ERMP1: variants seen among roughly 807,000 people sequenced by gnomAD.
The protein encoded by ERMP1 is endoplasmic reticulum metallopeptidase 1, also known as Felix-ina.
ERMP1 carries 86 observed loss-of-function variants against 92.0 expected under a neutral mutation model. The ratio of observed to expected loss-of-function variants is 0.93; its 90% CI spans 0.79 to 1.12. The LOEUF (loss-of-function observed/expected upper bound fraction) is 1.12. ERMP1 is among the 50% of genes most tolerant of loss of function. The pLI is 0.00. For missense variants in ERMP1, 1,342 were observed against 1,116.3 expected (o/e 1.20, Z -2.88); for synonymous variants, 530 against 412.8 (o/e 1.28, Z -3.44).
At chr9:5,791,356 A>T in intron 13 of ERMP1, 1 of 454,970 alleles carries the variant, frequency 2.2e-6, no homozygotes, top group Non-Finnish European at 4.4e-6. Context: ...TCCTTGGGGA[A>T]GGTCAGTCTT....
At chr9:5,851,777 C>G (rs188037640) in intron 6 of ERMP1, among the ~76,000 whole-genome samples, 4 of 152,128 alleles carry the variant, frequency 2.6e-5, no homozygotes, top group African/African-American at 4.8e-5. Flanking sequence ...ATACACCCCA[C>G]AAAATTGATT....
At chr9:5,796,861 G>A (rs549580121) in intron 13 of ERMP1, among the ~76,000 whole-genome samples, 33 of 152,240 alleles carry the variant, frequency 2.2e-4, no homozygotes, top group African/African-American at 7.7e-4. Flanking sequence ...GAATGAACCC[G>A]AGTGGGAACA....
chr9:5,833,038 C>G lies in ERMP1; in HGVS notation c.-11G>C. 6.7e-7 allele frequency: 1 copy of G among 1,482,700 alleles called. No individual in the cohort carries two copies. The highest frequency in any genetic ancestry group is 8.9e-7 in the Non-Finnish European group (1 of 1,126,302). 91.8% of individuals were successfully genotyped at this position (1,482,700 alleles called of 1,614,324 possible). Reference sequence around the variant, plus strand: ...AGAACCCCACTCCATGGCCACGAGCCTCAGCTGCCAGCCCAACCGCCCCAA... The same window carrying G: ...AGAACCCCACTCCATGGCCACGAGCGTCAGCTGCCAGCCCAACCGCCCCAA... On this transcript the variant is annotated 5_prime_UTR_variant, in exon 1 of 15. Coordinates refer to ENST00000339450, the MANE Select transcript of ERMP1 (RefSeq NM_024896.3).
chr9:5,787,067 A>C lies in ERMP1; in HGVS notation c.*77T>G, dbSNP rs542606623. The stretch of plus-strand genomic sequence containing the variant: ...TTAAAATTCATTGACTTACGTTACA[A>C]ACATCCACGTAACATAGGGAGAAAC... On this transcript the variant is annotated 3_prime_UTR_variant, in exon 15 of 15. Coordinates refer to ENST00000339450, the MANE Select transcript of ERMP1 (RefSeq NM_024896.3). 13 of 1,373,438 alleles carry C rather than the reference A, an allele frequency of 9.5e-6. No homozygotes were observed. In the African/African-American group the frequency reaches 1.6e-4, roughly 17 times the overall value. 85.1% of individuals were successfully genotyped at this position (1,373,438 alleles called of 1,614,324 possible). A position where few individuals can be genotyped will look rare whatever the true frequency, so the allele number is the denominator to read the frequency against.
At chr9:5,833,207 G>A (rs957475320), upstream of ERMP1, 46 of 574,010 alleles carry the variant, frequency 8.0e-5, no homozygotes, top group African/African-American at 1.4e-4. Flanking sequence ...CAGTTCTCGG[G>A]TGCACACAGC....
At chr9:5,790,208 C>G (rs1828125882) in intron 13 of ERMP1, among the ~76,000 whole-genome samples, 1 of 132,672 alleles carries the variant, frequency 7.5e-6, no homozygotes, top group African/African-American at 2.9e-5. Flanking sequence ...GAGACGGAGT[C>G]TCGTTCTGTG....
chr9:5,862,001 AT>A (rs1005147063), intron 5 of ERMP1, among the ~76,000 whole-genome samples: 18 of 151,320 alleles, frequency 1.2e-4, no homozygotes, highest in East Asian at 7.8e-4. Context: ...TCACATTTTA[AT>A]TTTTTTTTTA....
At chr9:5,791,151 G>A (rs1342854) in intron 13 of ERMP1, 131,436 of 448,332 alleles carry the variant, frequency 0.29, 21,350 homozygotes, top group East Asian at 0.62. Flanking sequence ...CATTCTCCAG[G>A]GAAACCAACA....
At chr9:5,839,644 G>A (rs1325873909) in intron 6 of ERMP1, among the ~76,000 whole-genome samples, 5 of 151,912 alleles carry the variant, frequency 3.3e-5, no homozygotes, top group South Asian at 2.1e-4. Flanking sequence ...CCCCCTCTAC[G>A]TAGCTATCTC....
chr9:5,867,019 A>G (rs752337120), intron 5 of ERMP1, among the ~76,000 whole-genome samples: 4 of 152,124 alleles, frequency 2.6e-5, no homozygotes, highest in African/African-American at 4.8e-5. Flanking sequence ...ACATGGTGAG[A>G]CCCCATCTCT....
chr9:5,817,348 C>T (rs1386115848), intron 4 of ERMP1, among the ~76,000 whole-genome samples: 1 of 152,096 alleles, frequency 6.6e-6, no homozygotes, highest in East Asian at 1.9e-4. Context: ...CGCCACCATG[C>T]CTGGCTAATT....
chr9:5,831,327 C>A (rs1279083124), intron 1 of ERMP1, among the ~76,000 whole-genome samples: 1 of 152,180 alleles, frequency 6.6e-6, no homozygotes, highest in East Asian at 1.9e-4. Context: ...GACCACTGGC[C>A]AGGCACGGTG....
At chr9:5,809,929 C>A in intron 8 of ERMP1, 82 bp downstream of exon 8, 1 of 987,722 alleles carries the variant, frequency 1.0e-6, no homozygotes, top group Non-Finnish European at 1.6e-6. Flanking sequence ...CTCAAAAGGC[C>A]AAATACAATG....
intron 5 of ERMP1, among the ~76,000 whole-genome samples, chr9:5,865,837 CAAAA>C (rs67420468): frequency 0.45 from 49,035 of 109,438 alleles, 9,620 homozygotes; most frequent in Non-Finnish European, 0.55. Flanking sequence ...GGCTCTGTCT[CAAAA>C]AAAAAAAAAA....
intron 4 of ERMP1, among the ~76,000 whole-genome samples, chr9:5,813,838 G>A (rs1052515909): frequency 6.7e-6 from 1 of 148,846 alleles, no homozygotes. Flanking sequence ...AGGATAGTGG[G>A]ATACATTGTT....
At chr9:5,811,081 G>C in intron 7 of ERMP1, 30 bp downstream of exon 7, 1 of 1,484,800 alleles carries the variant, frequency 6.7e-7, no homozygotes, top group Non-Finnish European at 9.4e-7. Context: ...AGCAATGCCA[G>C]TATTTGTAGT....
At chr9:5,794,732 T>TTA (rs904742037) in intron 13 of ERMP1, among the ~76,000 whole-genome samples, 6 of 152,304 alleles carry the variant, frequency 3.9e-5, no homozygotes, top group Admixed American at 3.9e-4. Flanking sequence ...CCTGTATCTA[T>TTA]TAAAGAGTGA....
chr9:5,861,622 G>A (rs1220410294), intron 5 of ERMP1, among the ~76,000 whole-genome samples: 4 of 151,032 alleles, frequency 2.6e-5, no homozygotes, highest in African/African-American at 9.7e-5. Flanking sequence ...AAGAGACGGA[G>A]ATGGAAAGTA....
At chr9:5,855,312 G>A (rs1830360098) in intron 6 of ERMP1, among the ~76,000 whole-genome samples, 2 of 152,226 alleles carry the variant, frequency 1.3e-5, no homozygotes, top group Admixed American at 6.5e-5. Context: ...AGTCACTCCA[G>A]ACCACTGAGA....
Sources: gnomAD v4.1 joint callset for allele counts (sites outside exome capture counted in the v4.1 genomes callset) on GRCh38, gnomAD v4.1.1 for gene constraint, MANE v1.5 for transcripts, NCBI Gene and HGNC (gene_info 2026-07-23, HGNC 2026-07-21) for gene names.